Variants in YEATS4 observed in about 807,000 individuals in gnomAD.
The protein encoded by YEATS4 is YEATS domain containing 4.
A neutral mutation model predicts 30.1 loss-of-function variants in YEATS4; 17 were observed. The observed-to-expected ratio is 0.56, with a 90% CI of 0.39 to 0.85. The LOEUF is 0.85. Ranked by LOEUF, YEATS4 falls within the 40% of genes least tolerant of loss-of-function variation. The probability of loss-of-function intolerance (pLI) is 0.00; values close to 1 mark genes in which losing one functional copy is unlikely to be tolerated. For synonymous variants in YEATS4, 85 were observed against 87.5 expected (o/e 0.97, Z 0.16); for missense variants, 142 against 268.3 (o/e 0.53, Z 3.29).
rs1592846510 is a variant in YEATS4, at chr12:69,362,492, T to C, written c.52-296T>C. Among the ~76,000 whole-genome samples, 4 of 152,348 alleles carry C rather than the reference T, an allele frequency of 2.6e-5. 1 individual carries two copies. Among genetic ancestry groups the C allele is most frequent in the Admixed American group, 2.6e-4 (4 of 15,304 alleles). ...AATTGGCCATTTTTATTTCAATGCCTAGCTTTCAGGTGTTTAAGAAAAGGC... is the reference window on the plus strand; with the variant it reads ...AATTGGCCATTTTTATTTCAATGCCCAGCTTTCAGGTGTTTAAGAAAAGGC... On this transcript the variant is annotated intron_variant, in intron 1 of 6. Transcript: ENST00000247843.
downstream of YEATS4, among the ~76,000 whole-genome samples, chr12:69,391,713 A>G (rs1402518434): frequency 6.6e-6 from 1 of 152,058 alleles, no homozygotes; most frequent in Non-Finnish European, 1.5e-5. Flanking sequence ...TGCACCTTTT[A>G]TCCCCATGCC....
the YEATS4 span, among the ~76,000 whole-genome samples, chr12:69,403,576 C>CAAAAA: frequency 3.4e-5 from 3 of 87,150 alleles, no homozygotes; most frequent in African/African-American, 1.2e-4. Context: ...GACTCTGTCT[C>CAAAAA]AAAAAAAAAA....
chr12:69,412,642 G>T, the YEATS4 span, among the ~76,000 whole-genome samples: 23 of 152,210 alleles, frequency 1.5e-4, no homozygotes, highest in African/African-American at 5.5e-4. Flanking sequence ...GATAGAGCAA[G>T]ACTCCGTCTC....
At chr12:69,396,934 A>C in the YEATS4 span, among the ~76,000 whole-genome samples, 4 of 152,172 alleles carry the variant, frequency 2.6e-5, no homozygotes, top group Non-Finnish European at 4.4e-5. Flanking sequence ...TAGTTAGGGG[A>C]AAATAAACTT....
chr12:69,367,217 A>G (rs1875469265), intron 4 of YEATS4, among the ~76,000 whole-genome samples: 1 of 152,168 alleles, frequency 6.6e-6, no homozygotes, highest in East Asian at 1.9e-4. Flanking sequence ...TTTACTGATT[A>G]CTATTCCTAC....
At chr12:69,393,574 GAA>G (rs11345743), downstream of YEATS4, among the ~76,000 whole-genome samples, 49 of 141,208 alleles carry the variant, frequency 3.5e-4, no homozygotes, top group African/African-American at 8.2e-4. Context: ...ATAAAGAAAA[GAA>G]AAAAAAAAAA....
intron 6 of YEATS4, among the ~76,000 whole-genome samples, chr12:69,380,842 A>G (rs552016888): frequency 1.5e-3 from 227 of 151,834 alleles, no homozygotes; most frequent in African/African-American, 5.1e-3. Context: ...GGCAGGTTCC[A>G]TGATGCCCCA....
chr12:69,376,474 T>C (rs191446979), intron 6 of YEATS4, among the ~76,000 whole-genome samples: 20 of 152,284 alleles, frequency 1.3e-4, no homozygotes, highest in Non-Finnish European at 2.4e-4. Flanking sequence ...AATGATCATA[T>C]GGTTTTTGTC....
chr12:69,362,814 T>G lies in YEATS4; in HGVS notation c.78T>G (p.Val26=), dbSNP rs1265011921. ...VKGVTIVKPI[V]YGNVARYFGK... ...GTGTTACTATCGTTAAACCAATAGT[T>G]TACGGTAATGTTGCTCGGTATTTTG... is the stretch of plus-strand genomic sequence containing the variant. The change falls in exon 2 of 7, where the codon GTT becomes GTG. Residue 26 remains valine (V), a synonymous_variant. Coordinates refer to ENST00000247843, the MANE Select transcript of YEATS4 (RefSeq NM_006530.4). The G allele has an allele frequency of 1.9e-6, 3 of 1,611,070 alleles. No homozygotes were observed. The highest frequency in any genetic ancestry group is 8.5e-7 in the Non-Finnish European group (1 of 1,177,956).
chr12:69,422,372 C>T, the YEATS4 span, among the ~76,000 whole-genome samples: 1 of 152,120 alleles, frequency 6.6e-6, no homozygotes, highest in Non-Finnish European at 1.5e-5. Flanking sequence ...TGGCTCACGC[C>T]TGTAATCCCA....
At chr12:69,381,667 G>A (rs1293384580) in intron 6 of YEATS4, among the ~76,000 whole-genome samples, 6 of 152,184 alleles carry the variant, frequency 3.9e-5, no homozygotes, top group South Asian at 2.1e-4. Flanking sequence ...AATTATAAAA[G>A]TATTAATTTG....
downstream of YEATS4, among the ~76,000 whole-genome samples, chr12:69,393,345 G>C (rs1180493858): frequency 1.3e-5 from 2 of 152,146 alleles, no homozygotes; most frequent in Non-Finnish European, 2.9e-5. Flanking sequence ...GCATCCACCT[G>C]TAGTCCTAGC....
intron 4 of YEATS4, among the ~76,000 whole-genome samples, chr12:69,368,368 G>GT (rs1157721483): frequency 2.0e-5 from 3 of 152,254 alleles, no homozygotes; most frequent in Admixed American, 2.0e-4. Context: ...AGTATAGGCA[G>GT]TTTCATTGTT....
chr12:69,406,781 T>C, the YEATS4 span, among the ~76,000 whole-genome samples: 19 of 152,236 alleles, frequency 1.2e-4, no homozygotes, highest in South Asian at 3.7e-3. Flanking sequence ...TCTTTTATTA[T>C]TAGACATTTA....
At chr12:69,385,584 G>A (rs1876242701) in intron 6 of YEATS4, among the ~76,000 whole-genome samples, 1 of 152,110 alleles carries the variant, frequency 6.6e-6, no homozygotes, top group Non-Finnish European at 1.5e-5. Flanking sequence ...CTTGCCCAGG[G>A]TCACACAGCT....
chr12:69,392,912 A>G (rs977304121), downstream of YEATS4, among the ~76,000 whole-genome samples: 1 of 152,224 alleles, frequency 6.6e-6, no homozygotes, highest in African/African-American at 2.4e-5. Context: ...ACTTAATACT[A>G]TATCAAATAT....
the YEATS4 span, among the ~76,000 whole-genome samples, chr12:69,412,133 C>T: frequency 6.6e-6 from 1 of 152,186 alleles, no homozygotes; most frequent in Non-Finnish European, 1.5e-5. Flanking sequence ...GTCTGTGCAA[C>T]TGCAGATTCA....
chr12:69,388,412 G>A (rs1474148220), intron 6 of YEATS4, among the ~76,000 whole-genome samples: 1 of 152,236 alleles, frequency 6.6e-6, no homozygotes, highest in Non-Finnish European at 1.5e-5. Flanking sequence ...TAATAAGGAA[G>A]CAAGGGTTTA....
At chr12:69,416,112 G>A in the YEATS4 span, among the ~76,000 whole-genome samples, 61 of 152,264 alleles carry the variant, frequency 4.0e-4, no homozygotes, top group African/African-American at 1.4e-3. Flanking sequence ...CTACCTCAGT[G>A]GAGGAAGAGT....
Sources: gnomAD v4.1 joint callset for allele counts (sites outside exome capture counted in the v4.1 genomes callset) on GRCh38, gnomAD v4.1.1 for gene constraint, MANE v1.5 for transcripts, NCBI Gene and HGNC (gene_info 2026-07-23, HGNC 2026-07-21) for gene names.